The following NSFL1C variants were observed in gnomAD, a reference collection of about 807,000 sequenced individuals.
NSFL1C encodes the protein NSFL1 cofactor, also known as NSFL1 cofactor p47.
Under a neutral mutation model 43.1 loss-of-function variants are expected in NSFL1C, and 14 were observed. The observed-to-expected ratio is 0.32, with a 90% confidence interval of 0.21 to 0.51. The LOEUF (loss-of-function observed/expected upper bound fraction) is 0.51. Among genes scored for constraint, NSFL1C ranks in the 20% least tolerant of loss-of-function variants. The pLI is 0.98. For synonymous variants in NSFL1C, 171 were observed against 183.5 expected, an observed-to-expected ratio of 0.93 and a Z score of 0.55; for missense variants, 406 against 472.5, an observed-to-expected ratio of 0.86 and a Z score of 1.30.
intron 2 of NSFL1C, among the ~76,000 whole-genome samples, chr20:1,462,353 C>T (rs527389382): frequency 1.2e-4 from 19 of 152,252 alleles, no homozygotes; most frequent in Admixed American, 3.9e-4. Context: ...CAACACACTG[C>T]GCCCTCCTCC....
chr20:1,445,691 C>G lies in NSFL1C; in HGVS notation c.925G>C (p.Val309Leu). Reference sequence around the variant, plus strand: ...CTGTGGCTGTGGTTAAATTTCTGCACCAGCCTCCCGCCGTCTGCAAGCCGA... The same window carrying G: ...CTGTGGCTGTGGTTAAATTTCTGCAGCAGCCTCCCGCCGTCTGCAAGCCGA... ...QIRLADGGRL[V>L]QKFNHSHRIS... Residue 309 changes from valine to leucine, a missense_variant, in exon 8 of 9, where the codon GTG becomes CTG. Physicochemically the swap from Val to Leu is conservative, Grantham distance 32. This residue lies in a region of NSFL1C where 196 missense variants were observed against 228.0 expected (regional missense o/e 0.86). Coordinates refer to ENST00000216879, the MANE Select transcript of NSFL1C (RefSeq NM_016143.5). The G allele has an allele frequency of 6.2e-7, 1 of 1,613,024 alleles. No homozygotes were observed. The highest frequency in any genetic ancestry group is 1.1e-5 in the South Asian group (1 of 91,010).
intron 4 of NSFL1C, 138 bp from the exon 5 acceptor site, chr20:1,454,443 C>T (rs2090253367): frequency 3.2e-6 from 2 of 632,378 alleles, no homozygotes; most frequent in East Asian, 2.8e-5. Context: ...CTACTAGATG[C>T]ACTTTCTCTG....
chr20:1,446,120 A>G (rs1343013630), intron 7 of NSFL1C: 2 of 498,372 alleles, frequency 4.0e-6, no homozygotes, highest in Non-Finnish European at 7.5e-6. Context: ...TCAACTGAAC[A>G]AGGGCTTGAA....
chr20:1,443,904 C>T lies in NSFL1C; in HGVS notation c.958G>A (p.Asp320Asn), dbSNP rs1399957336. The change falls in exon 9 of 9, where the codon GAC becomes AAC. Residue 320 changes from aspartate (D) to asparagine (N), a missense_variant. By Grantham distance (23) the Asp-to-Asn change is conservative. This residue lies in a region of NSFL1C where 196 missense variants were observed against 228.0 expected (regional missense o/e 0.86). Transcript: ENST00000216879. ...GCATCCACGATGAAGAGTCGGATGT[C>T]GCTGATCCTGCAGGAGTTGGGGAAG... ...QKFNHSHRISDIRLFIVDARP... is the reference protein window; with the variant it reads ...QKFNHSHRISNIRLFIVDARP... 2.5e-6 allele frequency: 4 copies of T among 1,610,656 alleles called. No individual in the cohort carries two copies. The highest frequency in any genetic ancestry group is 1.1e-5 in the South Asian group (1 of 90,712).
chr20:1,454,329 A>G (rs1202787838), intron 4 of NSFL1C, 24 bp from the exon 5 acceptor site: 1 of 1,548,192 alleles, frequency 6.5e-7, no homozygotes, highest in Admixed American at 1.7e-5. Flanking sequence ...GTTCATACAC[A>G]TTTAAGGGGT....
intron 4 of NSFL1C, among the ~76,000 whole-genome samples, chr20:1,454,591 T>C (rs1251889698): frequency 6.6e-6 from 1 of 152,248 alleles, no homozygotes; most frequent in Non-Finnish European, 1.5e-5. Flanking sequence ...CGTGACCATG[T>C]AGGAATTTGG....
intron 3 of NSFL1C, 190 bp downstream of exon 3, chr20:1,458,010 C>CG (rs1213826114): frequency 6.4e-6 from 3 of 470,142 alleles, no homozygotes; most frequent in Non-Finnish European, 1.2e-5. Flanking sequence ...CATTAAGTAA[C>CG]GGAACAGGGG....
chr20:1,458,085 A>C lies in NSFL1C; in HGVS notation c.278+115T>G. 12 of 844,518 alleles carry C rather than the reference A, an allele frequency of 1.4e-5. No homozygotes were observed. In the South Asian group the frequency reaches 1.7e-4, roughly 12 times the overall value. The allele number at this position is 844,518 out of a possible 1,614,324, so 52.3% of individuals were successfully genotyped here. ...ATATAACCCACACAGACCAGCCCAC[A>C]GTAGTAATGGCTAACAATAACCAAA... On this transcript the variant is annotated intron_variant, in intron 3 of 8. Transcript: ENST00000216879.
At chr20:1,464,971 C>T (rs2090481127) in intron 1 of NSFL1C, among the ~76,000 whole-genome samples, 1 of 152,186 alleles carries the variant, frequency 6.6e-6, no homozygotes, top group African/African-American at 2.4e-5. Context: ...ACTGTGGAGT[C>T]AGTCCAGGTT....
At chr20:1,451,952 G>C (rs1348476954) in intron 7 of NSFL1C, among the ~76,000 whole-genome samples, 3 of 152,228 alleles carry the variant, frequency 2.0e-5, no homozygotes, top group Non-Finnish European at 4.4e-5. Flanking sequence ...TGGCACACCA[G>C]CCTGCAAAGG....
At chr20:1,453,513 C>G (rs191877024) in intron 5 of NSFL1C, among the ~76,000 whole-genome samples, 89 of 152,270 alleles carry the variant, frequency 5.8e-4, no homozygotes, top group African/African-American at 2.0e-3. Context: ...GACTATTCCA[C>G]AGTCATTAAA....
intron 6 of NSFL1C, 54 bp downstream of exon 6, chr20:1,452,977 C>T: frequency 2.1e-6 from 2 of 956,256 alleles, no homozygotes; most frequent in African/African-American, 1.6e-5. Context: ...TCCTCCTTTC[C>T]CAACTGCTAT....
rs1010683900 is a variant in NSFL1C, at chr20:1,443,629, G to A, written c.*120C>T. On this transcript the variant is annotated 3_prime_UTR_variant, in exon 9 of 9. Transcript: ENST00000216879. ...CCAAGATCTAAGAACCCAGAGCTAT[G>A]GAGGAGACGTTGCACTGGACTGCTG... 1.1e-6 allele frequency: 1 copy of A among 944,866 alleles called. No individual in the cohort carries two copies. The highest frequency in any genetic ancestry group is 1.6e-6 in the Non-Finnish European group (1 of 630,036). The allele number at this position is 944,866 out of a possible 1,614,324, so 58.5% of individuals were successfully genotyped here.
At chr20:1,460,333 C>T (rs560789942) in intron 2 of NSFL1C, among the ~76,000 whole-genome samples, 51 of 152,308 alleles carry the variant, frequency 3.3e-4, no homozygotes, top group African/African-American at 1.2e-3. Flanking sequence ...TCTTAATTCT[C>T]CTGAATCAGA....
At chr20:1,444,952 C>T (rs1248175698) in intron 8 of NSFL1C, among the ~76,000 whole-genome samples, 2 of 152,314 alleles carry the variant, frequency 1.3e-5, no homozygotes, top group East Asian at 1.9e-4. Context: ...CAATATTCAA[C>T]GACTGACAAA....
chr20:1,452,951 T>G, intron 6 of NSFL1C, 80 bp downstream of exon 6: 1 of 835,376 alleles, frequency 1.2e-6, no homozygotes, highest in South Asian at 1.4e-5. Flanking sequence ...ACTCCTCAAA[T>G]AATAAACATT....
chr20:1,450,321 T>TA (rs1286785193), intron 7 of NSFL1C, among the ~76,000 whole-genome samples: 1 of 152,066 alleles, frequency 6.6e-6, no homozygotes, highest in African/African-American at 2.4e-5. Flanking sequence ...CCATCTCACT[T>TA]AACTTTATAA....
At chr20:1,450,582 G>C (rs1424367610) in intron 7 of NSFL1C, among the ~76,000 whole-genome samples, 2 of 152,150 alleles carry the variant, frequency 1.3e-5, no homozygotes, top group African/African-American at 2.4e-5. Context: ...AACATTTCCT[G>C]TTAGTATTAT....
chr20:1,460,141 C>T (rs1029578207), intron 2 of NSFL1C, among the ~76,000 whole-genome samples: 8 of 152,172 alleles, frequency 5.3e-5, no homozygotes, highest in African/African-American at 1.7e-4. Context: ...GTAAATAAGA[C>T]AATCACAGCA....
Sources: allele counts gnomAD v4.1 joint callset (sites outside exome capture counted in the v4.1 genomes callset), GRCh38; gene constraint gnomAD v4.1.1; regional missense constraint gnomAD v4.1.1; transcripts MANE v1.5; gene names NCBI Gene and HGNC (gene_info 2026-07-23, HGNC 2026-07-21).